DGCR8: variants seen among roughly 807,000 people sequenced by gnomAD.
DGCR8 encodes the protein DGCR8 microprocessor complex subunit, also known as microprocessor complex subunit DGCR8.
In DGCR8, 14 loss-of-function variants were observed where a neutral mutation model predicts 78.5. The ratio of observed to expected loss-of-function variants is 0.18; its 90% CI spans 0.12 to 0.28. The LOEUF is 0.28. Ranked by LOEUF, DGCR8 falls within the 10% of genes least tolerant of loss-of-function variation. The pLI is 1.00. For missense variants in DGCR8, 702 were observed against 1,022.5 expected (o/e 0.69, Z 4.28); for synonymous variants, 399 against 402.4 (o/e 0.99, Z 0.10).
In DGCR8 at chr22:20,090,062, C is replaced by T. The variant is rs1269866420; in HGVS notation, c.1110C>T (p.Leu370=). ...DNEEREQSSD[L]TPSGDVSPVK... ...AGGAACGGGAGCAAAGCAGTGACCT[C>T]ACCCCTAGTGGGGATGTGTCCCCCG... Residue 370 remains leucine (L), a synonymous_variant, in exon 5 of 14, where the codon CTC becomes CTT. Transcript: ENST00000351989. 5 of 1,614,208 alleles carry T rather than the reference C, an allele frequency of 3.1e-6. No individual in the cohort carries two copies. The South Asian group carries it at 5.5e-5, about 18-fold the overall frequency.
Position 20,089,981 on chromosome 22 carries a change from C to T in DGCR8, c.1029C>T (p.His343=), listed in dbSNP as rs779520821. The T allele has an allele frequency of 1.2e-5, 20 of 1,605,660 alleles. No individual in the cohort carries two copies. The Admixed American group carries it at 2.5e-4, about 20-fold the overall frequency. Residue 343 remains histidine, a synonymous_variant, in exon 5 of 14, where the codon CAC becomes CAT. Coordinates refer to ENST00000351989, the MANE Select transcript of DGCR8 (RefSeq NM_022720.7). This position sits in a 1 kb window ranked among gnomAD's most constrained non-coding sequence, Gnocchi z 4.9. The part of the protein sequence containing the change: ...YFLGTGSIRK[H]DPPLSSIPCL... ...TGCAATTTCACTATCCACAGAAACA[C>T]GACCCTCCTCTGAGTAGCATCCCTT...
chr22:20,102,898 C>T (rs756668668), intron 9 of DGCR8, among the ~76,000 whole-genome samples: 2 of 152,072 alleles, frequency 1.3e-5, no homozygotes, highest in Admixed American at 6.6e-5. Flanking sequence ...TTTGGGAGGC[C>T]GAGGTGGGTG....
intron 7 of DGCR8, among the ~76,000 whole-genome samples, 181 bp from the exon 8 acceptor site, chr22:20,092,628 T>G (rs751182160): frequency 6.6e-6 from 1 of 152,180 alleles, no homozygotes; most frequent in Admixed American, 6.5e-5. Context: ...TGCCCTTTGC[T>G]GCTGCTTGTC....
intron 9 of DGCR8, among the ~76,000 whole-genome samples, chr22:20,097,248 T>G (rs975001980): frequency 2.6e-5 from 4 of 152,200 alleles, no homozygotes; most frequent in Admixed American, 1.3e-4. Flanking sequence ...TTGTGAAGGA[T>G]TGGTGTTCAT....
chr22:20,095,145 G>A (rs1568957049), intron 9 of DGCR8, among the ~76,000 whole-genome samples: 1 of 152,088 alleles, frequency 6.6e-6, no homozygotes, highest in Admixed American at 6.6e-5. Context: ...GTCTTGCTCT[G>A]TCACCCAGGC....
chr22:20,088,388 G>A (rs543475570), intron 3 of DGCR8, among the ~76,000 whole-genome samples: 1 of 152,320 alleles, frequency 6.6e-6, no homozygotes, highest in Admixed American at 6.5e-5. Context: ...TCACTGGTCA[G>A]CAGCCATTCT....
intron 1 of DGCR8, among the ~76,000 whole-genome samples, chr22:20,084,190 C>T (rs2049451466): frequency 6.6e-6 from 1 of 152,118 alleles, no homozygotes; most frequent in Non-Finnish European, 1.5e-5. Flanking sequence ...TGTTGTGTCC[C>T]CTTCGAAGTA....
intron 1 of DGCR8, among the ~76,000 whole-genome samples, chr22:20,082,174 A>G (rs557593906): frequency 3.3e-5 from 5 of 150,912 alleles, no homozygotes; most frequent in Non-Finnish European, 5.9e-5. Context: ...CTCCTGCCTC[A>G]GCCTCCCAAG....
chr22:20,091,707 T>A lies in DGCR8; in HGVS notation c.1504+75T>A, dbSNP rs2049563951. On this transcript the variant is annotated intron_variant, in intron 6 of 13. Coordinates refer to ENST00000351989, the MANE Select transcript of DGCR8 (RefSeq NM_022720.7). Reference sequence around the variant, plus strand: ...CTAATGTGATGTGTTGAGGGCATGTTTTATGAGTTGCATTTCGTTCAAAGT... The same window carrying A: ...CTAATGTGATGTGTTGAGGGCATGTATTATGAGTTGCATTTCGTTCAAAGT... The A allele has an allele frequency of 3.8e-6, 6 of 1,569,874 alleles. No homozygotes were observed. In the Admixed American group the frequency reaches 1.0e-4, roughly 27 times the overall value.
At chr22:20,082,902 C>T (rs1332928176) in intron 1 of DGCR8, among the ~76,000 whole-genome samples, 2 of 152,230 alleles carry the variant, frequency 1.3e-5, no homozygotes, top group African/African-American at 2.4e-5. Flanking sequence ...TCAGCTGATG[C>T]CACTGTGTGG....
chr22:20,084,325 C>T lies in DGCR8; in HGVS notation c.-277-1362C>T, dbSNP rs148529870. Among the ~76,000 whole-genome samples the T allele has an allele frequency of 2.6e-3, 403 of 152,294 alleles. 1 individual carries two copies. The highest frequency in any genetic ancestry group is 9.3e-3 in the African/African-American group (385 of 41,542). On this transcript the variant is annotated intron_variant, in intron 1 of 13. Coordinates refer to ENST00000351989, the MANE Select transcript of DGCR8 (RefSeq NM_022720.7). ...ATGTGTGCATCTTTACTGGTATGCA[C>T]GCATGTGCATGCATGCGTGTTCCTG...
At chr22:20,093,726 C>T (rs2049593972) in intron 8 of DGCR8, among the ~76,000 whole-genome samples, 3 of 152,240 alleles carry the variant, frequency 2.0e-5, no homozygotes, top group Admixed American at 6.5e-5. Flanking sequence ...GGCTGTGTGT[C>T]CTGGCGAAGA....
chr22:20,109,950 C>T (rs1829664090), intron 13 of DGCR8, 75 bp from the exon 14 acceptor site: 3 of 1,429,374 alleles, frequency 2.1e-6, no homozygotes, highest in South Asian at 1.2e-5. Flanking sequence ...GCTGGGCTCT[C>T]CCTCCACCTT....
chr22:20,098,826 T>A (rs1209260095), intron 9 of DGCR8, among the ~76,000 whole-genome samples: 1 of 152,216 alleles, frequency 6.6e-6, no homozygotes. Flanking sequence ...GGCCCTACCC[T>A]AATGACCTCA....
At chr22:20,082,295 A>G (rs1429520573) in intron 1 of DGCR8, among the ~76,000 whole-genome samples, 1 of 151,118 alleles carries the variant, frequency 6.6e-6, no homozygotes, top group African/African-American at 2.4e-5. Flanking sequence ...CCTGGCCTCA[A>G]ATGATCTGCC....
intron 12 of DGCR8, chr22:20,108,497 C>G (rs1355419667): frequency 9.4e-6 from 2 of 212,384 alleles, no homozygotes; most frequent in South Asian, 7.7e-5. Flanking sequence ...GCAGAGAGCT[C>G]AGTGCCTGAG....
chr22:20,106,878 C>T (rs2049776769), intron 11 of DGCR8, 180 bp downstream of exon 11: 2 of 604,090 alleles, frequency 3.3e-6, no homozygotes, highest in Admixed American at 2.8e-5. Context: ...TGCACTTTCC[C>T]TGTCTTTTCC....
Position 20,089,301 on chromosome 22 carries a change from T to C in DGCR8, c.881-368T>C, listed in dbSNP as rs1359570341. ...AGTGGCTGACAGCCATGCAGTTTAT[T>C]AGCAAAGCTCATCCAGCCCCAAGGC... On this transcript the variant is annotated intron_variant, in intron 3 of 13. Coordinates refer to ENST00000351989, the MANE Select transcript of DGCR8 (RefSeq NM_022720.7). The surrounding 1 kb of genome is among the most constrained non-coding windows in gnomAD (Gnocchi z 4.9). Among the ~76,000 whole-genome samples, 1 of 152,236 alleles carries C rather than the reference T, an allele frequency of 6.6e-6. No individual in the cohort carries two copies. Among genetic ancestry groups the C allele is most frequent in the Admixed American group, 6.5e-5 (1 of 15,288 alleles).
In DGCR8 at chr22:20,106,193, G is replaced by A. The variant is rs1318493725; in HGVS notation, c.1805G>A (p.Ser602Asn). ...GTGTTGTAGTATTTTAACCACATCA[G>A]CATCGAGGACTCGCGGGTCTACGAG... Reference protein sequence around the residue: ...SEELEYFNHISIEDSRVYELT... With the variant: ...SEELEYFNHINIEDSRVYELT... The change falls in exon 10 of 14, where the codon AGC (serine) becomes AAC (asparagine). Residue 602 changes from serine (S) to asparagine (N), a missense_variant. Physicochemically the swap from Ser to Asn is conservative, Grantham distance 46 (BLOSUM62 1). Around this residue, in one of 4 missense-constraint regions of DGCR8, gnomAD observed 225 missense variants for 427.7 expected, o/e 0.53. Coordinates refer to ENST00000351989, the MANE Select transcript of DGCR8 (RefSeq NM_022720.7). 10 of 1,614,036 alleles carry A rather than the reference G, an allele frequency of 6.2e-6. No homozygotes were observed. The highest frequency in any genetic ancestry group is 1.1e-5 in the South Asian group (1 of 91,084).
Sources: gnomAD v4.1 joint callset for allele counts (sites outside exome capture counted in the v4.1 genomes callset) on GRCh38, gnomAD v4.1.1 for gene constraint, gnomAD v4.1.1 regional missense constraint, Gnocchi (gnomAD v3.1) non-coding constraint, MANE v1.5 for transcripts, NCBI Gene and HGNC (gene_info 2026-07-23, HGNC 2026-07-21) for gene names.